Variants in CRACD observed in about 807,000 individuals in gnomAD.
CRACD encodes capping protein inhibiting regulator of actin dynamics.
In CRACD, 56 loss-of-function variants were observed where a neutral mutation model predicts 106.8. That is an observed-to-expected ratio of 0.52 (90% CI 0.42 to 0.66). CRACD has a LOEUF of 0.66. Ranked by LOEUF, CRACD falls within the 30% of genes least tolerant of loss-of-function variation. The pLI, the probability that CRACD is intolerant of heterozygous loss-of-function variation, is 0.00. For missense variants in CRACD, 1,730 were observed against 1,623.2 expected, an observed-to-expected ratio of 1.07 and a Z score of -1.13; for synonymous variants, 754 against 670.8, an observed-to-expected ratio of 1.12 and a Z score of -1.92.
intron 2 of CRACD, among the ~76,000 whole-genome samples, chr4:56,218,977 T>C (rs1738886936): frequency 6.6e-6 from 1 of 152,208 alleles, no homozygotes; most frequent in Admixed American, 6.5e-5. Context: ...CCTTTTGACC[T>C]TCAATGCCCT....
intron 2 of CRACD, among the ~76,000 whole-genome samples, chr4:56,219,648 G>A (rs1738923260): frequency 6.6e-6 from 1 of 152,188 alleles, no homozygotes; most frequent in South Asian, 2.1e-4. Flanking sequence ...GAGGTACCAT[G>A]CCCTGCTGAA....
At chr4:56,250,688 C>G (rs1240918913) in intron 2 of CRACD, among the ~76,000 whole-genome samples, 2 of 152,154 alleles carry the variant, frequency 1.3e-5, no homozygotes, top group African/African-American at 4.8e-5. Flanking sequence ...AACTGTGTAA[C>G]AACGGGCAAA....
At chr4:56,144,782 T>C (rs1735322713) in intron 1 of CRACD, among the ~76,000 whole-genome samples, 1 of 152,026 alleles carries the variant, frequency 6.6e-6, no homozygotes, top group Non-Finnish European at 1.5e-5. Context: ...AGCCCCCCAG[T>C]AGCTGGGATT....
intron 2 of CRACD, among the ~76,000 whole-genome samples, chr4:56,221,674 A>C (rs551363584): frequency 1.3e-5 from 2 of 152,250 alleles, no homozygotes; most frequent in East Asian, 3.9e-4. Context: ...ATTAAAAAAT[A>C]AAATAAAAAA....
intron 10 of CRACD, among the ~76,000 whole-genome samples, chr4:56,326,061 G>A (rs900173934): frequency 1.3e-5 from 2 of 152,038 alleles, no homozygotes; most frequent in Non-Finnish European, 2.9e-5. Flanking sequence ...ACAGGCACAC[G>A]CCACCACACC....
rs1746748224 is a variant in CRACD, at chr4:56,330,586, T to G, written c.*2782T>G. 6.6e-6 allele frequency among the ~76,000 whole-genome samples: 1 copy of G among 152,218 alleles called. No homozygotes were observed. ...TGTCCATTATTGAAGGGAAAAGATC[T>G]TTCAATAAAAAATACCCACGAGATC... On this transcript the variant is annotated 3_prime_UTR_variant, in exon 11 of 11. Coordinates refer to ENST00000682029, the MANE Select transcript of CRACD (RefSeq NM_001393381.1).
chr4:56,117,017 A>ATTTT (rs751420774), intron 1 of CRACD, among the ~76,000 whole-genome samples: 9 of 96,256 alleles, frequency 9.4e-5, no homozygotes, highest in African/African-American at 2.0e-4. Context: ...CGAATTTTTA[A>ATTTT]TTTTTTTTTT....
rs568303842 is a variant in CRACD, at chr4:56,067,549, C to T, written c.-336+18250C>T. ...AACAGAAAAACAGGTCTTGGTTCTG[C>T]ACTTCATTTGCATGACAAGTTCTCT... On this transcript the variant is annotated intron_variant, in intron 1 of 10. Coordinates refer to ENST00000682029, the MANE Select transcript of CRACD (RefSeq NM_001393381.1). Among the ~76,000 whole-genome samples the T allele has an allele frequency of 2.0e-5, 3 of 152,294 alleles. No homozygotes were observed. The East Asian group carries it at 5.8e-4, about 29-fold the overall frequency.
chr4:56,204,176 A>G (rs1175163612), intron 2 of CRACD, among the ~76,000 whole-genome samples: 1 of 152,158 alleles, frequency 6.6e-6, no homozygotes, highest in Non-Finnish European at 1.5e-5. Context: ...AATCGCCTTG[A>G]GCAAGGAACA....
intron 2 of CRACD, among the ~76,000 whole-genome samples, chr4:56,209,899 A>G (rs1287657098): frequency 6.6e-6 from 1 of 152,190 alleles, no homozygotes; most frequent in Admixed American, 6.5e-5. Flanking sequence ...TATGAAGGGC[A>G]GGGCTTATCT....
intron 6 of CRACD, chr4:56,311,022 C>G (rs1365832059): frequency 2.8e-6 from 1 of 355,922 alleles, no homozygotes; most frequent in Non-Finnish European, 5.1e-6. Flanking sequence ...TCATGTACTT[C>G]AAGATCCTGT....
intron 1 of CRACD, among the ~76,000 whole-genome samples, chr4:56,063,715 T>C (rs1252351417): frequency 6.6e-6 from 1 of 152,168 alleles, no homozygotes; most frequent in Non-Finnish European, 1.5e-5. Context: ...TCAGATTCCA[T>C]TGTATGACTT....
intron 2 of CRACD, among the ~76,000 whole-genome samples, chr4:56,263,203 G>A (rs1202006341): frequency 6.6e-6 from 1 of 152,180 alleles, no homozygotes; most frequent in Non-Finnish European, 1.5e-5. Flanking sequence ...GTGACACCTG[G>A]ATTGTGTTTG....
chr4:56,267,828 A>C (rs1439991120), intron 2 of CRACD, among the ~76,000 whole-genome samples: 1 of 152,224 alleles, frequency 6.6e-6, no homozygotes, highest in East Asian at 1.9e-4. Flanking sequence ...AAGTGTGGCA[A>C]AGAATGATAG....
At chr4:56,108,204 A>G (rs1437952842) in intron 1 of CRACD, among the ~76,000 whole-genome samples, 3 of 152,192 alleles carry the variant, frequency 2.0e-5, no homozygotes, top group Non-Finnish European at 4.4e-5. Context: ...TACTATTTTT[A>G]CAGTTGAGAA....
chr4:56,092,354 G>A (rs192744421), intron 1 of CRACD, among the ~76,000 whole-genome samples: 1 of 152,320 alleles, frequency 6.6e-6, no homozygotes, highest in Non-Finnish European at 1.5e-5. Flanking sequence ...ATGGGAGTCG[G>A]TGTGGTAGAG....
chr4:56,156,076 G>A (rs1165173148), intron 1 of CRACD, among the ~76,000 whole-genome samples: 1 of 152,156 alleles, frequency 6.6e-6, no homozygotes, highest in Non-Finnish European at 1.5e-5. Flanking sequence ...CGATTCTCAT[G>A]CCTCAGACTC....
At chr4:56,220,496 C>A (rs1332734409) in intron 2 of CRACD, among the ~76,000 whole-genome samples, 1 of 152,146 alleles carries the variant, frequency 6.6e-6, no homozygotes, top group South Asian at 2.1e-4. Context: ...GTACAAGCCT[C>A]CCTGCAGCTG....
intron 1 of CRACD, among the ~76,000 whole-genome samples, chr4:56,089,502 T>G (rs1234548121): frequency 1.3e-5 from 2 of 151,496 alleles, no homozygotes; most frequent in African/African-American, 4.8e-5. Context: ...GGTCAAGGTA[T>G]TATAGGATTT....
Sources: allele counts gnomAD v4.1 joint callset (sites outside exome capture counted in the v4.1 genomes callset), GRCh38; gene constraint gnomAD v4.1.1; transcripts MANE v1.5; gene names NCBI Gene and HGNC (gene_info 2026-07-23, HGNC 2026-07-21).